TAF11: variants seen among roughly 807,000 people sequenced by gnomAD.
The protein encoded by TAF11 is transcription initiation factor TFIID subunit 11.
In TAF11, 10 loss-of-function variants were observed where a neutral mutation model predicts 23.0. The ratio of observed to expected loss-of-function variants is 0.43; its 90% CI spans 0.27 to 0.74. The LOEUF (loss-of-function observed/expected upper bound fraction) is 0.74, where lower values mean the gene tolerates loss of function less well. TAF11 is among the 30% of genes least tolerant of loss of function. TAF11 has a pLI of 0.19. For missense variants in TAF11, 196 were observed against 261.7 expected, an observed-to-expected ratio of 0.75 and a Z score of 1.73; for synonymous variants, 85 against 95.8, an observed-to-expected ratio of 0.89 and a Z score of 0.66.
chr6:34,884,055 C>T (rs1048796076), intron 1 of TAF11, among the ~76,000 whole-genome samples: 11 of 152,182 alleles, frequency 7.2e-5, no homozygotes, highest in Admixed American at 7.2e-4. Context: ...CCAGCAATCC[C>T]ATTACTGGGT....
chr6:34,885,104 T>C (rs1302273399), intron 1 of TAF11, among the ~76,000 whole-genome samples: 3 of 108,312 alleles, frequency 2.8e-5, no homozygotes, highest in Non-Finnish European at 4.8e-5. Context: ...TTGTTCTTTA[T>C]CTTTTTTTTC....
intron 4 of TAF11, chr6:34,879,666 C>G: frequency 1.0e-6 from 1 of 985,358 alleles, no homozygotes; most frequent in Non-Finnish European, 1.2e-6. Flanking sequence ...TTTCTTGTAT[C>G]TTTACTTTTG....
At position 34,880,444 on chromosome 6, in the gene TAF11, A is replaced by G. The variant is rs988117514; in HGVS notation, c.321-68T>C. The G allele has an allele frequency of 1.3e-6, 2 of 1,498,474 alleles. No individual in the cohort carries two copies. Among genetic ancestry groups the G allele is most frequent in the African/African-American group, 2.8e-5 (2 of 71,974 alleles). 92.8% of individuals were successfully genotyped at this position (1,498,474 alleles called of 1,614,324 possible). On this transcript the variant is annotated intron_variant, in intron 2 of 4. Transcript: ENST00000361288. The surrounding 1 kb of genome is among the most constrained non-coding windows in gnomAD (Gnocchi z 4.8). ...ATACTCAAGATATTATGAAGTCAAT[A>G]AAAGTTTCAGACAATTCAAAAACGA...
chr6:34,881,513 A>C (rs2127432125), intron 2 of TAF11, among the ~76,000 whole-genome samples: 1 of 152,330 alleles, frequency 6.6e-6, no homozygotes, highest in Admixed American at 6.5e-5. Context: ...TTTTAAGAAA[A>C]CTATGACCTA....
chr6:34,879,428 C>T (rs1766377039), intron 4 of TAF11: 2 of 949,276 alleles, frequency 2.1e-6, no homozygotes, highest in Non-Finnish European at 2.5e-6. Context: ...TAATAAAGAT[C>T]ATGCCACTGC....
chr6:34,888,024 C>T lies in TAF11; in HGVS notation c.-67G>A, dbSNP rs973587293. 6.3e-7 allele frequency: 1 copy of T among 1,599,576 alleles called. No individual in the cohort carries two copies. The highest frequency in any genetic ancestry group is 1.7e-5 in the Admixed American group (1 of 58,824). Reference sequence around the variant, plus strand: ...TGAGGCAGAAGCTCGGAAACCCGAGCTGCACAGGCCAGGATCTTACTTCCT... The same window carrying T: ...TGAGGCAGAAGCTCGGAAACCCGAGTTGCACAGGCCAGGATCTTACTTCCT... On this transcript the variant is annotated 5_prime_UTR_variant, in exon 1 of 5. Coordinates refer to ENST00000361288, the MANE Select transcript of TAF11 (RefSeq NM_005643.4).
rs1766346747 is a variant in TAF11, at chr6:34,878,232, A to T, written c.*358T>A. The T allele has an allele frequency of 4.7e-6, 1 of 211,034 alleles. No homozygotes were observed. The highest frequency in any genetic ancestry group is 1.1e-4 in the East Asian group (1 of 9,358). The allele number at this position is 211,034 out of a possible 1,614,324, so 13.1% of individuals were successfully genotyped here. On this transcript the variant is annotated 3_prime_UTR_variant, in exon 5 of 5. Coordinates refer to ENST00000361288, the MANE Select transcript of TAF11 (RefSeq NM_005643.4). ...ACTCCAGCCTAGGTGATAGAGCAAGACCCTATCTCAAACAAAACGAAACCA... is the reference window on the plus strand; with the variant it reads ...ACTCCAGCCTAGGTGATAGAGCAAGTCCCTATCTCAAACAAAACGAAACCA...
At position 34,880,639 on chromosome 6, in the gene TAF11, A is replaced by G. The variant is rs4646937; in HGVS notation, c.321-263T>C. On this transcript the variant is annotated intron_variant, in intron 2 of 4. Coordinates refer to ENST00000361288, the MANE Select transcript of TAF11 (RefSeq NM_005643.4). This position sits in a 1 kb window ranked among gnomAD's most constrained non-coding sequence, Gnocchi z 4.8. ...TCGTACTACACAGACTGTTTGCAGC[A>G]TTAGACACTATCTCCATAACTCTAT... is the stretch of plus-strand genomic sequence containing the variant. Among the ~76,000 whole-genome samples, 1 of 148,052 alleles carries G rather than the reference A, an allele frequency of 6.8e-6. No homozygotes were observed. The highest frequency in any genetic ancestry group is 1.5e-5 in the Non-Finnish European group (1 of 67,950).
chr6:34,879,142 C>G (rs1002632640), intron 4 of TAF11, among the ~76,000 whole-genome samples: 2 of 152,148 alleles, frequency 1.3e-5, no homozygotes, highest in African/African-American at 2.4e-5. Context: ...CTAACTGTTA[C>G]AGTGAGCTGT....
At chr6:34,881,674 G>A (rs1766426496) in intron 2 of TAF11, among the ~76,000 whole-genome samples, 1 of 151,946 alleles carries the variant, frequency 6.6e-6, no homozygotes, top group African/African-American at 2.4e-5. Context: ...TATCTCTGTG[G>A]TAAGGTAATT....
Position 34,887,879 on chromosome 6 carries a change from C to A in TAF11, c.79G>T (p.Asp27Tyr). The change falls in exon 1 of 5, where the codon GAC (aspartate) becomes TAC (tyrosine). Residue 27 changes from aspartate (D) to tyrosine (Y), a missense_variant. By Grantham distance (160) the Asp-to-Tyr change is radical. Coordinates refer to ENST00000361288, the MANE Select transcript of TAF11 (RefSeq NM_005643.4). The part of the protein sequence containing the change: ...ESDETAAVPG[D>Y]PGATDTDGIP... ...CCATCGGTGTCGGTAGCCCCCGGGT[C>A]CCCGGGCACAGCGGCCGTCTCATCC... 1 of 1,614,176 alleles carries A rather than the reference C, an allele frequency of 6.2e-7. No homozygotes were observed. The highest frequency in any genetic ancestry group is 8.5e-7 in the Non-Finnish European group (1 of 1,180,034).
Position 34,887,943 on chromosome 6 carries a change from G to A in TAF11, c.15C>T (p.His5=). 1 of 1,614,138 alleles carries A rather than the reference G, an allele frequency of 6.2e-7. No individual in the cohort carries two copies. The highest frequency in any genetic ancestry group is 8.5e-7 in the Non-Finnish European group (1 of 1,180,032). The change falls in exon 1 of 5, where the codon CAC becomes CAT. Residue 5 remains histidine (H), a synonymous_variant. Transcript: ENST00000361288. ...CTCCACCTTTGTCGGAGGGCGACTC[G>A]TGGGCATCGTCCATCACGGATAGGA... is the stretch of plus-strand genomic sequence containing the variant. MDDA[H]ESPSDKGGET...
chr6:34,878,722 TAAAC>T lies in TAF11; in HGVS notation c.506-6_506-3del. The T allele has an allele frequency of 2.5e-6, 4 of 1,613,784 alleles. No homozygotes were observed. The highest frequency in any genetic ancestry group is 3.4e-6 in the Non-Finnish European group (4 of 1,179,698). On this transcript the variant is annotated splice_region_variant and splice_polypyrimidine_tract_variant and intron_variant, in intron 4 of 4. Transcript: ENST00000361288. ...CCCACTTCTCACACACATCCAGTGC[TAAAC>T]AGAGGGTAAGGAGAAAGTCTGATTA...
chr6:34,887,691 C>T lies in TAF11; in HGVS notation c.171+96G>A, dbSNP rs1766559113. Reference sequence around the variant, plus strand: ...GAGGGAATTCTGGTGAGTTCGAGTTCTCGTAACTTGTTAGGGACTAACCAG... The same window carrying T: ...GAGGGAATTCTGGTGAGTTCGAGTTTTCGTAACTTGTTAGGGACTAACCAG... On this transcript the variant is annotated intron_variant, in intron 1 of 4. Coordinates refer to ENST00000361288, the MANE Select transcript of TAF11 (RefSeq NM_005643.4). 4.8e-6 allele frequency: 7 copies of T among 1,472,546 alleles called. 1 individual carries two copies. The highest frequency in any genetic ancestry group is 3.5e-5 in the South Asian group (3 of 86,874). The allele number at this position is 1,472,546 out of a possible 1,614,324, so 91.2% of individuals were successfully genotyped here.
At chr6:34,883,254 A>T in intron 1 of TAF11, 174 bp from the exon 2 acceptor site, 1 of 575,546 alleles carries the variant, frequency 1.7e-6, no homozygotes, top group Non-Finnish European at 2.8e-6. Context: ...CTAAGGGAAG[A>T]TTATGGCTCA....
At chr6:34,879,940 C>T (rs774548190) in intron 4 of TAF11, 27 bp downstream of exon 4, 1 of 1,603,326 alleles carries the variant, frequency 6.2e-7, no homozygotes. Context: ...CAGGTACAAT[C>T]CAGTATTTGT....
intron 1 of TAF11, among the ~76,000 whole-genome samples, chr6:34,886,672 G>A (rs1278749606): frequency 6.6e-6 from 1 of 151,830 alleles, no homozygotes; most frequent in Non-Finnish European, 1.5e-5. Context: ...CGCCATGTTG[G>A]CCAGGCTGGT....
chr6:34,879,256 G>A lies in TAF11; in HGVS notation c.506-536C>T, dbSNP rs1456095844. On this transcript the variant is annotated intron_variant, in intron 4 of 4. Coordinates refer to ENST00000361288, the MANE Select transcript of TAF11 (RefSeq NM_005643.4). ...AAATTAGCCAGGTATGGTAGTGCAC[G>A]CCTACAGTCCCAGCTACTTGGGAGG... 1.5e-5 allele frequency: 5 copies of A among 341,454 alleles called. No individual in the cohort carries two copies. The East Asian group carries it at 5.1e-4, about 35-fold the overall frequency. 21.2% of individuals were successfully genotyped at this position (341,454 alleles called of 1,614,324 possible).
chr6:34,885,843 C>T (rs1027469913), intron 1 of TAF11, among the ~76,000 whole-genome samples: 2 of 152,038 alleles, frequency 1.3e-5, no homozygotes, highest in Non-Finnish European at 2.9e-5. Flanking sequence ...TTTAGCTGGC[C>T]GGGTGCGGTG....
Sources: allele counts gnomAD v4.1 joint callset (sites outside exome capture counted in the v4.1 genomes callset), GRCh38; gene constraint gnomAD v4.1.1; non-coding constraint Gnocchi (gnomAD v3.1); transcripts MANE v1.5; gene names NCBI Gene and HGNC (gene_info 2026-07-23, HGNC 2026-07-21).